Variants in GPM6A observed in about 807,000 individuals in gnomAD.
GPM6A encodes the protein neuronal membrane glycoprotein M6-a.
Under a neutral mutation model 32.1 loss-of-function variants are expected in GPM6A, and 7 were observed. That is an observed-to-expected ratio of 0.22 (90% CI 0.12 to 0.41). GPM6A has a LOEUF of 0.41. GPM6A is among the 10% of genes least tolerant of loss of function. GPM6A has a pLI of 1.00. For missense variants in GPM6A, 235 were observed against 347.2 expected (o/e 0.68, Z 2.57); for synonymous variants, 130 against 123.4 (o/e 1.05, Z -0.35).
chr4:175,736,400 G>A (rs916599932), intron 1 of GPM6A, among the ~76,000 whole-genome samples: 8 of 152,232 alleles, frequency 5.3e-5, no homozygotes, highest in Non-Finnish European at 1.2e-4. Context: ...CTTCACCTCC[G>A]AGGATCTATG....
chr4:175,812,206 C>T lies in GPM6A; in HGVS notation c.22G>A (p.Gly8Arg), dbSNP rs1436376770. The T allele has an allele frequency of 6.3e-7, 1 of 1,584,290 alleles. No individual in the cohort carries two copies. Among genetic ancestry groups the T allele is most frequent in the African/African-American group, 1.4e-5 (1 of 73,134 alleles). MEENMEE[G>R]QTQKGCFECC... ...AGCACAGTACCTTTTTGTGTCTGTC[C>T]CTCTTCCATATTCTCTTCCATGGCT... The change falls in exon 1 of 7, where the codon GGA (glycine) becomes AGA (arginine). Residue 8 changes from glycine (G) to arginine (R), a missense_variant. Gly to Arg is a moderately radical substitution (Grantham distance 125). Transcript: ENST00000393658.
upstream of GPM6A, among the ~76,000 whole-genome samples, chr4:175,813,794 C>T (rs1735017960): frequency 6.6e-6 from 1 of 152,216 alleles, no homozygotes; most frequent in South Asian, 2.1e-4. Flanking sequence ...CTGCATTCCA[C>T]TTTATTTCTC....
chr4:175,779,175 T>C (rs941096719), intron 1 of GPM6A, among the ~76,000 whole-genome samples: 2 of 152,314 alleles, frequency 1.3e-5, no homozygotes, highest in African/African-American at 4.8e-5. Flanking sequence ...TTATCTATCC[T>C]GTGAGCACTG....
At chr4:175,939,208 G>A (rs1393581080) in intron 1 of GPM6A, among the ~76,000 whole-genome samples, 3 of 152,138 alleles carry the variant, frequency 2.0e-5, no homozygotes, top group African/African-American at 7.2e-5. Flanking sequence ...GGAAGACCCA[G>A]TATTGTTCCA....
intron 1 of GPM6A, chr4:175,787,920 C>T (rs1467119518): frequency 2.0e-5 from 3 of 152,530 alleles, no homozygotes; most frequent in Non-Finnish European, 2.9e-5. Flanking sequence ...ATGAACAAAT[C>T]AATCTCATGA....
chr4:175,952,573 G>A (rs1399859451), intron 1 of GPM6A, among the ~76,000 whole-genome samples: 1 of 152,130 alleles, frequency 6.6e-6, no homozygotes, highest in African/African-American at 2.4e-5. Context: ...CATGTAACTA[G>A]GAATATTAGA....
intron 3 of GPM6A, among the ~76,000 whole-genome samples, chr4:175,668,309 T>C (rs1278049865): frequency 1.3e-5 from 2 of 151,934 alleles, no homozygotes; most frequent in Non-Finnish European, 2.9e-5. Flanking sequence ...TGGCCCTTCT[T>C]CCTCAATGCC....
chr4:175,759,590 A>T (rs1004575338), intron 1 of GPM6A, among the ~76,000 whole-genome samples: 1 of 152,228 alleles, frequency 6.6e-6, no homozygotes, highest in Admixed American at 6.5e-5. Flanking sequence ...GTTTAAACTC[A>T]TATCATGTAT....
At chr4:175,764,237 G>A (rs910279973) in intron 1 of GPM6A, among the ~76,000 whole-genome samples, 2 of 152,248 alleles carry the variant, frequency 1.3e-5, no homozygotes, top group African/African-American at 2.4e-5. Flanking sequence ...TGCCTATCCC[G>A]AGTATTTTAT....
chr4:175,694,202 A>G (rs1470769333), intron 2 of GPM6A, among the ~76,000 whole-genome samples: 1 of 152,228 alleles, frequency 6.6e-6, no homozygotes, highest in Non-Finnish European at 1.5e-5. Flanking sequence ...GGACTAATAC[A>G]GAAAACTGGT....
chr4:175,948,160 C>T (rs1329094777), intron 1 of GPM6A, among the ~76,000 whole-genome samples: 4 of 152,042 alleles, frequency 2.6e-5, no homozygotes. Context: ...ATTTTTTGCT[C>T]CAATATTATG....
chr4:175,690,001 T>C (rs1744208103), intron 2 of GPM6A, among the ~76,000 whole-genome samples: 1 of 152,192 alleles, frequency 6.6e-6, no homozygotes, highest in East Asian at 1.9e-4. Flanking sequence ...ATAAATAAGA[T>C]TGCTCTTGTC....
chr4:175,827,414 C>T (rs980219910), intron 1 of GPM6A, among the ~76,000 whole-genome samples: 34 of 152,240 alleles, frequency 2.2e-4, no homozygotes, highest in Admixed American at 9.2e-4. Context: ...ATTATTATCC[C>T]CACTTCGCAG....
chr4:175,896,785 T>A (rs1442095400), intron 1 of GPM6A, among the ~76,000 whole-genome samples: 1 of 152,156 alleles, frequency 6.6e-6, no homozygotes, highest in Non-Finnish European at 1.5e-5. Context: ...CAACTTGCCA[T>A]CACATTTGTT....
rs373074131 is a variant in GPM6A, at chr4:175,736,296, C to T, written c.38-34529G>A. ...CTTCCAAAGCACTGGGATTATAGCG[C>T]GACCCACAGCACATGGCATAAAAAA... On this transcript the variant is annotated intron_variant, in intron 1 of 6. Transcript: ENST00000393658. Among the ~76,000 whole-genome samples the T allele has an allele frequency of 8.7e-4, 133 of 152,160 alleles. 1 individual carries two copies. Among genetic ancestry groups the T allele is most frequent in the African/African-American group, 3.0e-3 (123 of 41,516 alleles).
intron 1 of GPM6A, among the ~76,000 whole-genome samples, chr4:175,983,071 T>C (rs1282259425): frequency 6.6e-6 from 1 of 152,170 alleles, no homozygotes; most frequent in East Asian, 1.9e-4. Flanking sequence ...GCTGCATCCC[T>C]GGTATCAAGT....
chr4:175,704,831 C>A (rs578002534), intron 1 of GPM6A, among the ~76,000 whole-genome samples: 1 of 152,246 alleles, frequency 6.6e-6, no homozygotes, highest in South Asian at 2.1e-4. Flanking sequence ...AGAGTTCAAA[C>A]ACTGAATGCA....
intron 1 of GPM6A, among the ~76,000 whole-genome samples, chr4:175,878,523 T>G (rs1425115786): frequency 6.6e-6 from 1 of 152,152 alleles, no homozygotes; most frequent in African/African-American, 2.4e-5. Context: ...TTTCAACTTC[T>G]GAAGCAATGA....
rs139332673 is a variant in GPM6A at position 175,680,825 on chromosome 4, A to T, written c.231-6989T>A. On this transcript the variant is annotated intron_variant, in intron 2 of 6. Coordinates refer to ENST00000393658, the MANE Select transcript of GPM6A (RefSeq NM_201591.3). ...TCTATTTTCCCTTCTTTTTACATGA[A>T]ATGTGCATACTCCATATATTCTTCA... 6.5e-3 allele frequency among the ~76,000 whole-genome samples: 996 copies of T among 152,256 alleles called. 10 individuals carry two copies. Among genetic ancestry groups the T allele is most frequent in the African/African-American group, 0.022 (911 of 41,540 alleles).
Sources: gnomAD v4.1 joint callset for allele counts (sites outside exome capture counted in the v4.1 genomes callset) on GRCh38, gnomAD v4.1.1 for gene constraint, MANE v1.5 for transcripts, NCBI Gene and HGNC (gene_info 2026-07-23, HGNC 2026-07-21) for gene names.